CHRM3: variants seen among roughly 807,000 people sequenced by gnomAD.
CHRM3 encodes the protein muscarinic acetylcholine receptor M3.
CHRM3 carries 11 observed loss-of-function variants against 41.8 expected under a neutral mutation model. That is an observed-to-expected ratio of 0.26 (90% CI 0.17 to 0.44). The LOEUF (loss-of-function observed/expected upper bound fraction) is 0.44, where lower values mean the gene tolerates loss of function less well. Ranked by LOEUF, CHRM3 falls within the 20% of genes least tolerant of loss-of-function variation. The pLI, the probability that CHRM3 is intolerant of heterozygous loss-of-function variation, is 1.00. For synonymous variants in CHRM3, 297 were observed against 301.4 expected, an observed-to-expected ratio of 0.99 and a Z score of 0.15; for missense variants, 571 against 745.4, an observed-to-expected ratio of 0.77 and a Z score of 2.72.
chr1:239,758,539 T>C (rs557927106), intron 5 of CHRM3, among the ~76,000 whole-genome samples: 1 of 152,356 alleles, frequency 6.6e-6, no homozygotes, highest in Admixed American at 6.5e-5. Flanking sequence ...GTGTAAATGA[T>C]TCCAAATGTA....
chr1:239,693,411 T>G (rs1343003928), intron 5 of CHRM3, among the ~76,000 whole-genome samples: 1 of 152,128 alleles, frequency 6.6e-6, no homozygotes, highest in African/African-American at 2.4e-5. Flanking sequence ...GGTGGCATTC[T>G]GCAAGCCAAG....
chr1:239,894,925 G>A (rs990644879), intron 6 of CHRM3, among the ~76,000 whole-genome samples: 1 of 152,110 alleles, frequency 6.6e-6, no homozygotes, highest in Non-Finnish European at 1.5e-5. Context: ...CACAAATTCA[G>A]GCTGTCTAGC....
chr1:239,742,369 C>T (rs1664935225), intron 5 of CHRM3, among the ~76,000 whole-genome samples: 1 of 152,156 alleles, frequency 6.6e-6, no homozygotes, highest in Admixed American at 6.5e-5. Flanking sequence ...CCTATGAGCA[C>T]AGTCACTTGG....
intron 6 of CHRM3, among the ~76,000 whole-genome samples, chr1:239,847,733 T>G (rs966948980): frequency 6.6e-6 from 1 of 151,490 alleles, no homozygotes; most frequent in African/African-American, 2.4e-5. Context: ...CACACACATA[T>G]ACACACACAC....
chr1:239,643,112 T>A (rs911192807), intron 4 of CHRM3, among the ~76,000 whole-genome samples: 1 of 152,164 alleles, frequency 6.6e-6, no homozygotes, highest in African/African-American at 2.4e-5. Flanking sequence ...TGCTGTCTGA[T>A]CGTTCCTCTG....
chr1:239,873,357 T>C (rs1676759868), intron 6 of CHRM3, among the ~76,000 whole-genome samples: 1 of 152,092 alleles, frequency 6.6e-6, no homozygotes, highest in South Asian at 2.1e-4. Flanking sequence ...TTTTTTTTAT[T>C]TATTTTTATT....
chr1:239,530,046 C>G (rs922853967), intron 2 of CHRM3, among the ~76,000 whole-genome samples: 1 of 151,916 alleles, frequency 6.6e-6, no homozygotes, highest in African/African-American at 2.4e-5. Flanking sequence ...TGCAGGTGCC[C>G]GCCACCATGC....
At chr1:239,874,293 A>ATATATATATATATATACACAG (rs1676875830) in intron 6 of CHRM3, among the ~76,000 whole-genome samples, 1 of 67,078 alleles carries the variant, frequency 1.5e-5, no homozygotes, top group Non-Finnish European at 2.9e-5. Flanking sequence ...CAGTATATAT[A>ATATATATATATATATACACAG]TATATATATA....
intron 1 of CHRM3, among the ~76,000 whole-genome samples, chr1:239,403,972 A>AGG (rs1278027114): frequency 8.2e-4 from 56 of 67,922 alleles, no homozygotes; most frequent in Admixed American, 1.6e-3. Flanking sequence ...AGGGAGAGGG[A>AGG]GGGGGAGAGA....
At chr1:239,415,314 C>A (rs900021730) in intron 1 of CHRM3, among the ~76,000 whole-genome samples, 9 of 152,214 alleles carry the variant, frequency 5.9e-5, no homozygotes, top group African/African-American at 1.9e-4. Context: ...GTGGCACGTG[C>A]CTGTAATCTC....
chr1:239,671,663 T>G (rs1256875247), intron 4 of CHRM3, among the ~76,000 whole-genome samples: 1 of 152,196 alleles, frequency 6.6e-6, no homozygotes, highest in East Asian at 1.9e-4. Flanking sequence ...AAACAGTTAT[T>G]TTATTTTACT....
chr1:239,659,254 TG>T (rs1162150055), intron 4 of CHRM3, among the ~76,000 whole-genome samples: 16 of 152,212 alleles, frequency 1.1e-4, no homozygotes, highest in Admixed American at 1.0e-3. Context: ...ACTTCTCTGC[TG>T]TTATCTTCTT....
intron 5 of CHRM3, among the ~76,000 whole-genome samples, chr1:239,741,817 T>C (rs1664875222): frequency 6.6e-6 from 1 of 152,230 alleles, no homozygotes; most frequent in Non-Finnish European, 1.5e-5. Flanking sequence ...ACAGAGTTTA[T>C]GAGAGCTGCG....
At chr1:239,452,521 C>T (rs1664627750) in intron 1 of CHRM3, among the ~76,000 whole-genome samples, 2 of 152,186 alleles carry the variant, frequency 1.3e-5, no homozygotes, top group Non-Finnish European at 2.9e-5. Flanking sequence ...CTTCCAATAT[C>T]AATTTTCACT....
chr1:239,446,150 T>G (rs573353059), intron 1 of CHRM3, among the ~76,000 whole-genome samples: 1 of 152,312 alleles, frequency 6.6e-6, no homozygotes, highest in South Asian at 2.1e-4. Flanking sequence ...TTGGCCAGGA[T>G]GGTCTTGATC....
intron 3 of CHRM3, among the ~76,000 whole-genome samples, chr1:239,553,942 G>A (rs1314556977): frequency 1.3e-5 from 2 of 152,148 alleles, no homozygotes; most frequent in Non-Finnish European, 2.9e-5. Flanking sequence ...AGGCTAGAGT[G>A]CAGTGGCATG....
At chr1:239,751,660 G>T (rs1201559957) in intron 5 of CHRM3, among the ~76,000 whole-genome samples, 1 of 152,098 alleles carries the variant, frequency 6.6e-6, no homozygotes, top group Non-Finnish European at 1.5e-5. Context: ...AACAAAAAAT[G>T]ATCAGTTTAG....
At chr1:239,475,206 T>G (rs80016078) in intron 1 of CHRM3, among the ~76,000 whole-genome samples, 4,606 of 152,198 alleles carry the variant, frequency 0.03, 175 homozygotes, top group African/African-American at 0.087. Flanking sequence ...CCATCCATGT[T>G]GTATGTGTGA....
At chr1:239,749,167 T>C (rs562137229) in intron 5 of CHRM3, among the ~76,000 whole-genome samples, 4 of 152,362 alleles carry the variant, frequency 2.6e-5, no homozygotes, top group Admixed American at 2.0e-4. Flanking sequence ...CAAATCGTTA[T>C]AGGTGGTCAA....
Sources: gnomAD v4.1 joint callset for allele counts (sites outside exome capture counted in the v4.1 genomes callset) on GRCh38, gnomAD v4.1.1 for gene constraint, MANE v1.5 for transcripts, NCBI Gene and HGNC (gene_info 2026-07-23, HGNC 2026-07-21) for gene names.